DNM3: variants seen among roughly 807,000 people sequenced by gnomAD.
The protein encoded by DNM3 is dynamin 3.
A neutral mutation model predicts 101.6 loss-of-function variants in DNM3; 47 were observed. The observed-to-expected ratio is 0.46, with a 90% CI of 0.37 to 0.59. The LOEUF (loss-of-function observed/expected upper bound fraction) is 0.59. Ranked by LOEUF, DNM3 falls within the 20% of genes least tolerant of loss-of-function variation. The pLI is 0.00. For missense variants in DNM3, 849 were observed against 1,085.7 expected, an observed-to-expected ratio of 0.78 and a Z score of 3.06; for synonymous variants, 385 against 387.9, an observed-to-expected ratio of 0.99 and a Z score of 0.09.
chr1:172,253,786 T>G lies in DNM3; in HGVS notation c.1769+104T>G, dbSNP rs539252019. 1.8e-5 allele frequency: 11 copies of G among 608,318 alleles called. No homozygotes were observed. In the African/African-American group the frequency reaches 2.1e-4, roughly 12 times the overall value. 37.7% of individuals were successfully genotyped at this position (608,318 alleles called of 1,614,324 possible). ...AGTTCCTTTGGTCACACCTTGAAATTTGTCTGCTCTTCAGTTTTCCTTTCA... is the reference window on the plus strand; with the variant it reads ...AGTTCCTTTGGTCACACCTTGAAATGTGTCTGCTCTTCAGTTTTCCTTTCA... On this transcript the variant is annotated intron_variant, in intron 15 of 20. Coordinates refer to ENST00000627582, the MANE Select transcript of DNM3 (RefSeq NM_015569.5).
At chr1:172,328,163 T>C (rs867895822) in intron 17 of DNM3, among the ~76,000 whole-genome samples, 24 of 152,316 alleles carry the variant, frequency 1.6e-4, no homozygotes, top group South Asian at 4.1e-4. Flanking sequence ...GGCTTGTTTA[T>C]ATATTTTTAT....
intron 1 of DNM3, among the ~76,000 whole-genome samples, chr1:171,916,137 C>T (rs1198695501): frequency 2.0e-5 from 3 of 152,160 alleles, no homozygotes; most frequent in African/African-American, 7.2e-5. Context: ...ATTTCTTTTA[C>T]AATGTAGAGA....
chr1:172,398,094 A>G (rs2070164558), intron 20 of DNM3, among the ~76,000 whole-genome samples: 1 of 152,214 alleles, frequency 6.6e-6, no homozygotes, highest in Admixed American at 6.5e-5. Flanking sequence ...TAAAATTAAA[A>G]TGCATTTTAA....
intron 1 of DNM3, among the ~76,000 whole-genome samples, chr1:171,854,288 T>C (rs962520585): frequency 2.6e-5 from 4 of 152,176 alleles, no homozygotes; most frequent in Non-Finnish European, 5.9e-5. Flanking sequence ...AGCTTCCTCA[T>C]TGGTACAATG....
downstream of DNM3, among the ~76,000 whole-genome samples, chr1:172,414,504 T>C (rs2071356902): frequency 6.6e-6 from 1 of 152,216 alleles, no homozygotes; most frequent in Non-Finnish European, 1.5e-5. Flanking sequence ...TGTCTACATA[T>C]TTCTCAGACT....
chr1:172,135,721 C>G (rs1255582161), intron 14 of DNM3, among the ~76,000 whole-genome samples: 5 of 151,746 alleles, frequency 3.3e-5, no homozygotes, highest in Non-Finnish European at 2.9e-5. Context: ...GATTTTTGAT[C>G]TAGATAATTT....
At position 172,079,350 on chromosome 1, in the gene DNM3, C is replaced by T. The variant is rs146920104; in HGVS notation, c.1423-2482C>T. 4.0e-4 allele frequency among the ~76,000 whole-genome samples: 61 copies of T among 152,176 alleles called. 1 individual carries two copies. In the East Asian group the frequency reaches 0.011, roughly 28 times the overall value. On this transcript the variant is annotated intron_variant, in intron 11 of 20. Transcript: ENST00000627582. Reference sequence around the variant, plus strand: ...TCTTTTTTCTGTAATCTTGTCTCTACACTTTACTACATTAAGTTGATCTTC... The same window carrying T: ...TCTTTTTTCTGTAATCTTGTCTCTATACTTTACTACATTAAGTTGATCTTC...
chr1:172,065,715 G>A (rs530563515), intron 10 of DNM3, among the ~76,000 whole-genome samples: 3 of 152,220 alleles, frequency 2.0e-5, no homozygotes, highest in Admixed American at 6.5e-5. Flanking sequence ...TCATGGAGAC[G>A]CTGGTGATGA....
rs570737490 is a variant in DNM3 at position 171,917,420 on chromosome 1, A to C, written c.162-4328A>C. On this transcript the variant is annotated intron_variant, in intron 1 of 20. Coordinates refer to ENST00000627582, the MANE Select transcript of DNM3 (RefSeq NM_015569.5). ...GGAAGAGCCAATAAGAAATGTCATC[A>C]AGGTGGTTCTTAAACTATAGTGTGG... Among the ~76,000 whole-genome samples, 6 of 152,302 alleles carry C rather than the reference A, an allele frequency of 3.9e-5. No homozygotes were observed. In the East Asian group the frequency reaches 1.2e-3, roughly 29 times the overall value.
At chr1:171,909,928 T>C (rs1370714634) in intron 1 of DNM3, among the ~76,000 whole-genome samples, 1 of 152,178 alleles carries the variant, frequency 6.6e-6, no homozygotes, top group Non-Finnish European at 1.5e-5. Flanking sequence ...AAATAACACT[T>C]GCCACACGCT....
intron 17 of DNM3, among the ~76,000 whole-genome samples, chr1:172,375,678 TTATTTCTGA>T (rs893689977): frequency 3.3e-5 from 5 of 151,996 alleles, no homozygotes; most frequent in African/African-American, 1.2e-4. Flanking sequence ...ATGGTGAGAA[TTATTTCTGA>T]TTCAACACTT....
Position 172,407,928 on chromosome 1 carries a change from C to A in DNM3, c.*87C>A. ...ACCGTTGCAGTAAATCATGAGTAGTCGCATGTGTGGACATCAGTAGGCAAG... is the reference window on the plus strand; with the variant it reads ...ACCGTTGCAGTAAATCATGAGTAGTAGCATGTGTGGACATCAGTAGGCAAG... On this transcript the variant is annotated 3_prime_UTR_variant, in exon 21 of 21. Coordinates refer to ENST00000627582, the MANE Select transcript of DNM3 (RefSeq NM_015569.5). The A allele has an allele frequency of 6.2e-7, 1 of 1,603,066 alleles. No homozygotes were observed.
At chr1:172,320,014 A>G (rs2065618487) in intron 16 of DNM3, among the ~76,000 whole-genome samples, 1 of 151,944 alleles carries the variant, frequency 6.6e-6, no homozygotes, top group Non-Finnish European at 1.5e-5. Flanking sequence ...TGGATTAAGA[A>G]AATGTGGCAC....
rs537605555 is a variant in DNM3 at position 172,238,668 on chromosome 1, T to C, written c.1660-14905T>C. Among the ~76,000 whole-genome samples the C allele has an allele frequency of 2.7e-3, 417 of 152,076 alleles. 2 individuals are homozygous for C. Among genetic ancestry groups the C allele is most frequent in the Non-Finnish European group, 5.1e-3 (346 of 67,988 alleles). ...CCATTCATGGTACCTGAAATCCAGTTGGTAATACAGAACAAATGGAACGAG... is the reference window on the plus strand; with the variant it reads ...CCATTCATGGTACCTGAAATCCAGTCGGTAATACAGAACAAATGGAACGAG... On this transcript the variant is annotated intron_variant, in intron 14 of 20. Transcript: ENST00000627582.
intron 2 of DNM3, among the ~76,000 whole-genome samples, chr1:171,940,371 G>T (rs2041730818): frequency 6.6e-6 from 1 of 152,114 alleles, no homozygotes; most frequent in African/African-American, 2.4e-5. Context: ...TGCCTGCAGT[G>T]TGCTGCACAA....
At chr1:172,085,325 G>A (rs550182770) in intron 12 of DNM3, among the ~76,000 whole-genome samples, 77 of 151,766 alleles carry the variant, frequency 5.1e-4, no homozygotes, top group African/African-American at 1.8e-3. Flanking sequence ...ATAAGAACTG[G>A]CCCAATTGTT....
intron 17 of DNM3, among the ~76,000 whole-genome samples, chr1:172,344,602 C>G (rs1443389640): frequency 6.6e-6 from 1 of 152,228 alleles, no homozygotes; most frequent in East Asian, 1.9e-4. Flanking sequence ...CTGTTGCCAA[C>G]TGAGTGGTCT....
chr1:172,254,279 T>G lies in DNM3; in HGVS notation c.1769+597T>G, dbSNP rs148645506. Among the ~76,000 whole-genome samples the G allele has an allele frequency of 7.4e-4, 112 of 152,294 alleles. No homozygotes were observed. In the East Asian group the frequency reaches 0.018, roughly 25 times the overall value. ...CCTTAAAGTCTTTCTTGTCCCAATA[T>G]ATTGTTTACATACTTACAAACTACT... On this transcript the variant is annotated intron_variant, in intron 15 of 20. Transcript: ENST00000627582.
chr1:171,909,704 A>G (rs10913955), intron 1 of DNM3, among the ~76,000 whole-genome samples: 1,681 of 152,236 alleles, frequency 0.011, 34 homozygotes, highest in African/African-American at 0.039. Context: ...GTGCTGTCAA[A>G]GACCTCTTTT....
Sources: gnomAD v4.1 joint callset for allele counts (sites outside exome capture counted in the v4.1 genomes callset) on GRCh38, gnomAD v4.1.1 for gene constraint, MANE v1.5 for transcripts, NCBI Gene and HGNC (gene_info 2026-07-23, HGNC 2026-07-21) for gene names.